CAPN15: variants seen among roughly 807,000 people sequenced by gnomAD.
CAPN15 encodes the protein calpain 15, also known as calpain-15.
CAPN15 carries 53 observed loss-of-function variants against 97.9 expected under a neutral mutation model. The observed-to-expected ratio is 0.54, with a 90% confidence interval of 0.43 to 0.68. The LOEUF (loss-of-function observed/expected upper bound fraction) is 0.68, where lower values mean the gene tolerates loss of function less well. Among genes scored for constraint, CAPN15 ranks in the 30% least tolerant of loss-of-function variants. The pLI, the probability that CAPN15 is intolerant of heterozygous loss-of-function variation, is 0.00. For synonymous variants in CAPN15, 922 were observed against 722.5 expected (o/e 1.28, Z -4.43); for missense variants, 1,592 against 1,589.8 (o/e 1.00, Z -0.02).
rs1237601485 is a variant in CAPN15, at chr16:545,315, T to TG, written c.-22-1497dup. On this transcript the variant is annotated intron_variant, in intron 3 of 13. Coordinates refer to ENST00000219611, the MANE Select transcript of CAPN15 (RefSeq NM_005632.3). ...AACCAGGGCAGAAGGGCAGGGAGGG[T>TG]GGGGGCCCTGCCGAGGTCTCCCACC... 2.5e-3 allele frequency among the ~76,000 whole-genome samples: 357 copies of TG among 141,264 alleles called. 3 individuals carry two copies. The highest frequency in any genetic ancestry group is 8.4e-3 in the African/African-American group (329 of 39,180). The allele number at this position is 141,264 out of a possible 152,430, so 92.7% of individuals were successfully genotyped here.
At chr16:528,862 TGCCCA>T in intron 1 of CAPN15, 1 of 685,334 alleles carries the variant, frequency 1.5e-6, no homozygotes, top group African/African-American at 1.9e-5. Context: ...TCTCTTCCTC[TGCCCA>T]GGTCTGAGGG....
In CAPN15 at chr16:547,801, CATT is replaced by C; in HGVS notation, c.964_966del (p.Ile322del). The C allele has an allele frequency of 6.2e-7, 1 of 1,612,054 alleles. No individual in the cohort carries two copies. Among genetic ancestry groups the C allele is most frequent in the Non-Finnish European group, 8.5e-7 (1 of 1,179,668 alleles). On this transcript the variant is annotated inframe_deletion, in exon 4 of 14. Transcript: ENST00000219611. ...GCAGCTCCACCTCGGGCAGTGACAT[CATT>C]GACCTGGCCGGAGACACCGTGCGTT...
At chr16:540,427 C>T in intron 3 of CAPN15, 1 of 858,856 alleles carries the variant, frequency 1.2e-6, no homozygotes, top group African/African-American at 1.8e-5. Flanking sequence ...GGGCCTCGTT[C>T]TCAGGGTGCC....
Position 535,039 on chromosome 16 carries a change from G to C in CAPN15, c.-136-990G>C, listed in dbSNP as rs542090188. Among the ~76,000 whole-genome samples the C allele has an allele frequency of 6.6e-6, 1 of 152,176 alleles. No homozygotes were observed. The highest frequency in any genetic ancestry group is 1.5e-5 in the Non-Finnish European group (1 of 68,016). ...GAGTGTATGCGGAGTGGACACAGCT[G>C]TGGGTGCCGCCCGCGCAAGGCTGGG... On this transcript the variant is annotated intron_variant, in intron 2 of 13. Coordinates refer to ENST00000219611, the MANE Select transcript of CAPN15 (RefSeq NM_005632.3). This position sits in a 1 kb window ranked among gnomAD's most constrained non-coding sequence, Gnocchi z 6.2.
chr16:544,646 G>A (rs911150362), intron 3 of CAPN15, among the ~76,000 whole-genome samples: 12 of 151,218 alleles, frequency 7.9e-5, no homozygotes, highest in Admixed American at 2.0e-4. Flanking sequence ...CAGTTGCCTC[G>A]ATCTTCCATC....
intron 3 of CAPN15, chr16:540,090 C>T: frequency 3.0e-6 from 3 of 985,478 alleles, no homozygotes; most frequent in Non-Finnish European, 3.6e-6. Flanking sequence ...TCACTCTGCC[C>T]AGCCGGCCGT....
chr16:551,897 C>A, intron 9 of CAPN15, 154 bp from the exon 10 acceptor site: 2 of 1,003,254 alleles, frequency 2.0e-6, no homozygotes, highest in Non-Finnish European at 3.1e-6. Context: ...TATTATAGGC[C>A]TCAGGGATGG....
At chr16:550,194 C>T (rs1567156154) in intron 7 of CAPN15, among the ~76,000 whole-genome samples, 3 of 152,232 alleles carry the variant, frequency 2.0e-5, no homozygotes, top group African/African-American at 2.4e-5. Context: ...AGTTTGGCCA[C>T]ACTCTGGTCA....
rs1210801880 is a variant in CAPN15 at position 552,388 on chromosome 16, G to T, written c.2595G>T (p.Leu865=). 2 of 1,605,302 alleles carry T rather than the reference G, an allele frequency of 1.2e-6. No homozygotes were observed. The highest frequency in any genetic ancestry group is 1.7e-5 in the Admixed American group (1 of 59,736). ...TCGGCAGCGGCGGCCACCTCAGCCT[G>T]GGCCGCCTCCTGGCCCACAGTAAGC... ...ATFGSGGHLS[L]GRLLAHSKRA... Residue 865 remains leucine (L), a synonymous_variant, in exon 11 of 14, where the codon CTG becomes CTT. Coordinates refer to ENST00000219611, the MANE Select transcript of CAPN15 (RefSeq NM_005632.3). The surrounding 1 kb of genome is among the most constrained non-coding windows in gnomAD (Gnocchi z 6.4).
rs759450804 is a variant in CAPN15 at position 553,494 on chromosome 16, T to G, written c.3239T>G (p.Leu1080Arg). The part of the protein sequence containing the change: ...SPPLTPEVAG[L>R]HGPRPL ...CCACTCACGCCAGAGGTCGCCGGTC[T>G]GCATGGGCCCCGACCGCTGTGACCA... Residue 1080 changes from leucine (L) to arginine (R), a missense_variant, in exon 14 of 14, where the codon CTG (leucine) becomes CGG (arginine). Around this residue, in one of 3 missense-constraint regions of CAPN15, gnomAD observed 644 missense variants for 699.6 expected, o/e 0.92. Coordinates refer to ENST00000219611, the MANE Select transcript of CAPN15 (RefSeq NM_005632.3). 1 of 1,608,740 alleles carries G rather than the reference T, an allele frequency of 6.2e-7. No individual in the cohort carries two copies. The highest frequency in any genetic ancestry group is 8.5e-7 in the Non-Finnish European group (1 of 1,177,990).
Position 552,290 on chromosome 16 carries a change from GTCTGGCGCAGGCGC to G in CAPN15, c.2508-8_2513del. 6.5e-7 allele frequency: 1 copy of G among 1,546,068 alleles called. No individual in the cohort carries two copies. The highest frequency in any genetic ancestry group is 1.2e-5 in the South Asian group (1 of 84,772). On this transcript the variant is annotated splice_acceptor_variant and splice_polypyrimidine_tract_variant and coding_sequence_variant and intron_variant, in exon 11 of 14. Coordinates refer to ENST00000219611, the MANE Select transcript of CAPN15 (RefSeq NM_005632.3). LOFTEE classifies it high-confidence loss of function. This position sits in a 1 kb window ranked among gnomAD's most constrained non-coding sequence, Gnocchi z 6.4. ...ACCACGCGTGACCCTGGCCCGTGGT[GTCTGGCGCAGGCGC>G]TCGGACGCCGTGGACAGCCACCTGC...
rs796278033 is a variant in CAPN15 at position 551,220 on chromosome 16, T to C, written c.2067-82T>C. The stretch of plus-strand genomic sequence containing the variant: ...GGTGAGGGTCCCCAGTCGGTGAGGG[T>C]CCCGGTCAGTGAGGGTCCCCGGTCG... On this transcript the variant is annotated intron_variant, in intron 7 of 13. Coordinates refer to ENST00000219611, the MANE Select transcript of CAPN15 (RefSeq NM_005632.3). 202 of 1,363,228 alleles carry C rather than the reference T, an allele frequency of 1.5e-4. 23 individuals are homozygous for C. The African/African-American group carries it at 5.2e-3, about 35-fold the overall frequency. The allele number at this position is 1,363,228 out of a possible 1,614,324, so 84.4% of individuals were successfully genotyped here.
intron 9 of CAPN15, 93 bp from the exon 10 acceptor site, chr16:551,958 G>A: frequency 7.3e-7 from 1 of 1,361,542 alleles, no homozygotes; most frequent in Non-Finnish European, 1.0e-6. Flanking sequence ...GCTGGCACCT[G>A]CTGGGGTCAC....
rs1271498455 is a variant in CAPN15 at position 553,492 on chromosome 16, T to G, written c.3237T>G (p.Gly1079=). 2.5e-6 allele frequency: 4 copies of G among 1,608,290 alleles called. No individual in the cohort carries two copies. The African/African-American group carries it at 5.4e-5, about 22-fold the overall frequency. The change falls in exon 14 of 14, where the codon GGT becomes GGG. Residue 1079 remains glycine, a synonymous_variant. Coordinates refer to ENST00000219611, the MANE Select transcript of CAPN15 (RefSeq NM_005632.3). ...HSPPLTPEVA[G]LHGPRPL The stretch of plus-strand genomic sequence containing the variant: ...CCCCACTCACGCCAGAGGTCGCCGG[T>G]CTGCATGGGCCCCGACCGCTGTGAC...
chr16:551,500 T>G lies in CAPN15; in HGVS notation c.2193-12T>G. On this transcript the variant is annotated splice_polypyrimidine_tract_variant and intron_variant, in intron 8 of 13. Coordinates refer to ENST00000219611, the MANE Select transcript of CAPN15 (RefSeq NM_005632.3). ...GCAGTGTGGTTCAGATCCTCACCCC[T>G]GTGGTCTGCAGGCTTCTGCGGCTCC... 6.2e-7 allele frequency: 1 copy of G among 1,607,376 alleles called. No homozygotes were observed. The highest frequency in any genetic ancestry group is 8.5e-7 in the Non-Finnish European group (1 of 1,175,700).
chr16:540,839 G>A lies in CAPN15; in HGVS notation c.-23+4697G>A, dbSNP rs115403796. Among the ~76,000 whole-genome samples, 1,078 of 152,274 alleles carry A rather than the reference G, an allele frequency of 7.1e-3. 9 individuals carry two copies. Among genetic ancestry groups the A allele is most frequent in the African/African-American group, 0.025 (1,035 of 41,558 alleles). On this transcript the variant is annotated intron_variant, in intron 3 of 13. Transcript: ENST00000219611. ...GCTGTCACCATGGCCTTGGCTACCCGCTGCGTCCCTCAGGAGCTGCCATCA... is the reference window on the plus strand; with the variant it reads ...GCTGTCACCATGGCCTTGGCTACCCACTGCGTCCCTCAGGAGCTGCCATCA...
rs901017348 is a variant in CAPN15, at chr16:552,217, G to A, written c.2507+5G>A. ...GCTCTTCCAGGAGGGCAGCAGGTGG[G>A]TGCTGCGGGGCCCCATCGGGCTGGG... On this transcript the variant is annotated splice_donor_5th_base_variant and intron_variant, in intron 10 of 13. Coordinates refer to ENST00000219611, the MANE Select transcript of CAPN15 (RefSeq NM_005632.3). The surrounding 1 kb of genome is among the most constrained non-coding windows in gnomAD (Gnocchi z 6.4). 2.6e-6 allele frequency: 4 copies of A among 1,531,882 alleles called. No homozygotes were observed. Among genetic ancestry groups the A allele is most frequent in the South Asian group, 2.5e-5 (2 of 81,522 alleles). 94.9% of individuals were successfully genotyped at this position (1,531,882 alleles called of 1,614,324 possible). A position where few individuals can be genotyped will look rare whatever the true frequency, so the allele number is the denominator to read the frequency against.
chr16:536,107 C>G lies in CAPN15; in HGVS notation c.-58C>G, dbSNP rs1261326741. 1.0e-6 allele frequency: 1 copy of G among 983,834 alleles called. No homozygotes were observed. The highest frequency in any genetic ancestry group is 1.2e-6 in the Non-Finnish European group (1 of 829,358). The allele number at this position is 983,834 out of a possible 1,614,324, so 60.9% of individuals were successfully genotyped here. A position where few individuals can be genotyped will look rare whatever the true frequency, so the allele number is the denominator to read the frequency against. ...ACTGCACTGGGTGATTCACGTGTGC[C>G]CAGGCCCTGAGGTGGGCCGGACCTG... On this transcript the variant is annotated 5_prime_UTR_variant, in exon 3 of 14. Transcript: ENST00000219611.
At chr16:551,917 G>T in intron 9 of CAPN15, 134 bp from the exon 10 acceptor site, 1 of 1,103,946 alleles carries the variant, frequency 9.1e-7, no homozygotes. Flanking sequence ...GGCCCCCGGG[G>T]GCCGGGCTGC....
Sources: allele counts gnomAD v4.1 joint callset (sites outside exome capture counted in the v4.1 genomes callset), GRCh38; gene constraint gnomAD v4.1.1; regional missense constraint gnomAD v4.1.1; non-coding constraint Gnocchi (gnomAD v3.1); transcripts MANE v1.5; gene names NCBI Gene and HGNC (gene_info 2026-07-23, HGNC 2026-07-21).